DGKB: variants seen among roughly 807,000 people sequenced by gnomAD.
DGKB encodes 90 kDa diacylglycerol kinase.
A neutral mutation model predicts 114.3 loss-of-function variants in DGKB; 67 were observed. The observed-to-expected ratio is 0.59, with a 90% CI of 0.48 to 0.72. The LOEUF is 0.72. DGKB is among the 30% of genes least tolerant of loss of function. The probability of loss-of-function intolerance (pLI) is 0.00; values close to 1 mark genes in which losing one functional copy is unlikely to be tolerated. For missense variants in DGKB, 907 were observed against 975.2 expected (o/e 0.93, Z 0.93); for synonymous variants, 398 against 323.1 (o/e 1.23, Z -2.49).
rs774450775 is a variant in DGKB at position 14,753,915 on chromosome 7, G to C, written c.168+13C>G. On this transcript the variant is annotated intron_variant, in intron 4 of 25. Transcript: ENST00000402815. ...AGAAAAGACAGACTTTAATAGAAAA[G>C]AAAATGTCTTACTTGGTTAAGAATG... The C allele has an allele frequency of 4.1e-6, 6 of 1,477,396 alleles. No individual in the cohort carries two copies. The highest frequency in any genetic ancestry group is 5.6e-6 in the Non-Finnish European group (6 of 1,077,818). 91.5% of individuals were successfully genotyped at this position (1,477,396 alleles called of 1,614,324 possible). A position where few individuals can be genotyped will look rare whatever the true frequency, so the allele number is the denominator to read the frequency against.
chr7:14,205,396 G>A (rs780025462), intron 23 of DGKB, among the ~76,000 whole-genome samples: 13 of 151,704 alleles, frequency 8.6e-5, no homozygotes, highest in Non-Finnish European at 1.3e-4. Flanking sequence ...CTTTTCTTAT[G>A]TTTTAAAGCT....
At chr7:14,187,649 G>C (rs372936234) in intron 23 of DGKB, among the ~76,000 whole-genome samples, 5 of 152,166 alleles carry the variant, frequency 3.3e-5, no homozygotes, top group Non-Finnish European at 5.9e-5. Flanking sequence ...GTACTGAGTC[G>C]ACCTAGAGCT....
intron 21 of DGKB, among the ~76,000 whole-genome samples, chr7:14,471,788 T>C (rs1584212042): frequency 6.6e-6 from 1 of 151,874 alleles, no homozygotes; most frequent in East Asian, 1.9e-4. Flanking sequence ...TATAGAAAAA[T>C]ATAGAGAAGA....
rs1554404749 is a variant in DGKB at position 14,392,995 on chromosome 7, G to GTTTTGTTTTTTGTTTTT, written c.1836-47605_1836-47604insAAAAACAAAAAACAAAA. On this transcript the variant is annotated intron_variant, in intron 21 of 25. Transcript: ENST00000402815. ...CAAAACAGACCTGTTTTTTGTTTTT[G>GTTTTGTTTTTTGTTTTT]TTTTTTTTTTTTTGAGACGGAGTCT... 5.8e-4 allele frequency among the ~76,000 whole-genome samples: 35 copies of GTTTTGTTTTTTGTTTTT among 60,548 alleles called. 1 individual carries two copies. The highest frequency in any genetic ancestry group is 1.7e-3 in the African/African-American group (35 of 20,684). 39.7% of individuals were successfully genotyped at this position (60,548 alleles called of 152,430 possible). A position where few individuals can be genotyped will look rare whatever the true frequency, so the allele number is the denominator to read the frequency against.
intron 21 of DGKB, among the ~76,000 whole-genome samples, chr7:14,426,471 A>G (rs912253977): frequency 1.2e-4 from 18 of 152,116 alleles, no homozygotes; most frequent in African/African-American, 4.3e-4. Context: ...TCATAGCACA[A>G]TAAAGTCATG....
intron 21 of DGKB, among the ~76,000 whole-genome samples, chr7:14,471,903 A>C (rs1198383408): frequency 1.3e-5 from 2 of 152,166 alleles, no homozygotes; most frequent in Non-Finnish European, 2.9e-5. Context: ...AAGAAAAAGC[A>C]GAAAGTAGTA....
intron 1 of DGKB, among the ~76,000 whole-genome samples, chr7:14,949,133 C>T (rs76423931): frequency 0.044 from 6,685 of 151,244 alleles, 438 homozygotes; most frequent in African/African-American, 0.15. Context: ...TTTACAAATA[C>T]GAAAAAACAG....
chr7:14,723,020 T>C (rs544969348), intron 5 of DGKB, among the ~76,000 whole-genome samples: 70 of 150,994 alleles, frequency 4.6e-4, no homozygotes, highest in Middle Eastern at 6.8e-3. Flanking sequence ...TTTATTTATT[T>C]ATTCATTTTT....
intron 21 of DGKB, among the ~76,000 whole-genome samples, chr7:14,437,356 A>G (rs1181119451): frequency 6.6e-6 from 1 of 152,116 alleles, no homozygotes; most frequent in African/African-American, 2.4e-5. Context: ...TGATAATTCT[A>G]AAACTATCCG....
intron 8 of DGKB, among the ~76,000 whole-genome samples, chr7:14,697,603 G>C (rs769350672): frequency 6.7e-6 from 1 of 148,834 alleles, no homozygotes; most frequent in Non-Finnish European, 1.5e-5. Flanking sequence ...TAGTAACTTA[G>C]TTATCAAAAG....
chr7:14,621,663 T>C (rs529742823), intron 14 of DGKB, among the ~76,000 whole-genome samples, 169 bp from the exon 15 acceptor site: 13 of 152,206 alleles, frequency 8.5e-5, no homozygotes, highest in African/African-American at 3.1e-4. Flanking sequence ...ACTGGCTCAA[T>C]ATATATGATA....
chr7:14,896,357 A>G (rs1782101628), intron 1 of DGKB, among the ~76,000 whole-genome samples: 1 of 151,712 alleles, frequency 6.6e-6, no homozygotes, highest in Non-Finnish European at 1.5e-5. Context: ...TAACTTATCT[A>G]TGTTAATAGT....
chr7:14,520,270 TA>T (rs912206356), intron 20 of DGKB, among the ~76,000 whole-genome samples: 1 of 150,624 alleles, frequency 6.6e-6, no homozygotes, highest in Admixed American at 6.6e-5. Flanking sequence ...TCTTATCTTA[TA>T]AAAAAACTAG....
At chr7:14,828,798 T>C (rs1846038346) in intron 2 of DGKB, among the ~76,000 whole-genome samples, 1 of 152,146 alleles carries the variant, frequency 6.6e-6, no homozygotes, top group African/African-American at 2.4e-5. Flanking sequence ...AGTCCATTTC[T>C]GGGCATCAGC....
At chr7:14,478,257 A>ATCATAAACCATCC in intron 20 of DGKB, 32 bp from the exon 21 acceptor site, 1 of 1,315,444 alleles carries the variant, frequency 7.6e-7, no homozygotes, top group Non-Finnish European at 1.1e-6. Flanking sequence ...CAAAAACAGG[A>ATCATAAACCATCC]TGGTTTATGA....
intron 20 of DGKB, among the ~76,000 whole-genome samples, chr7:14,485,363 A>T (rs10950530): frequency 0.45 from 67,981 of 150,568 alleles, 15,862 homozygotes; most frequent in East Asian, 0.76. Context: ...ATGCATTATG[A>T]TGCACATCTG....
chr7:14,250,356 T>A (rs1247288238), intron 23 of DGKB, among the ~76,000 whole-genome samples: 1 of 152,076 alleles, frequency 6.6e-6, no homozygotes, highest in Non-Finnish European at 1.5e-5. Context: ...TTGTTTCCAT[T>A]TTTATTTGTC....
chr7:14,171,373 TTCA>T (rs546481982), intron 25 of DGKB, among the ~76,000 whole-genome samples: 5 of 152,294 alleles, frequency 3.3e-5, no homozygotes, highest in East Asian at 1.9e-4. Context: ...TTTTTCTGTC[TTCA>T]TCATAAACAA....
At position 14,392,995 on chromosome 7, in the gene DGKB, G is replaced by GTTTTTTTGTTTT. The variant is rs1554404750; in HGVS notation, c.1836-47605_1836-47604insAAAACAAAAAAA. On this transcript the variant is annotated intron_variant, in intron 21 of 25. Coordinates refer to ENST00000402815, the MANE Select transcript of DGKB (RefSeq NM_001350709.2). ...CAAAACAGACCTGTTTTTTGTTTTT[G>GTTTTTTTGTTTT]TTTTTTTTTTTTTGAGACGGAGTCT... Among the ~76,000 whole-genome samples, 4 of 60,546 alleles carry GTTTTTTTGTTTT rather than the reference G, an allele frequency of 6.6e-5. 1 individual carries two copies. The highest frequency in any genetic ancestry group is 1.1e-3 in the East Asian group (2 of 1,886). 39.7% of individuals were successfully genotyped at this position (60,546 alleles called of 152,430 possible).
Sources: gnomAD v4.1 joint callset for allele counts (sites outside exome capture counted in the v4.1 genomes callset) on GRCh38, gnomAD v4.1.1 for gene constraint, MANE v1.5 for transcripts, NCBI Gene and HGNC (gene_info 2026-07-23, HGNC 2026-07-21) for gene names.